DROSHA: variants seen among roughly 807,000 people sequenced by gnomAD.
The protein encoded by DROSHA is drosha ribonuclease III, also known as ribonuclease 3.
A neutral mutation model predicts 181.9 loss-of-function variants in DROSHA; 56 were observed. The observed-to-expected ratio is 0.31, with a 90% CI of 0.25 to 0.38. The LOEUF (loss-of-function observed/expected upper bound fraction) is 0.38. Among genes scored for constraint, DROSHA ranks in the 10% least tolerant of loss-of-function variants. The pLI is 1.00. For synonymous variants in DROSHA, 524 were observed against 591.2 expected (o/e 0.89, Z 1.65); for missense variants, 1,218 against 1,743.5 (o/e 0.70, Z 5.37).
At chr5:31,531,072 G>A in intron 2 of DROSHA, 148 bp from the exon 3 acceptor site, 1 of 389,502 alleles carries the variant, frequency 2.6e-6, no homozygotes, top group Non-Finnish European at 4.5e-6. Flanking sequence ...GCCCATAAAT[G>A]GGAAGCACTG....
Position 31,436,692 on chromosome 5 carries a change from G to C in DROSHA, c.2942+547C>G, listed in dbSNP as rs577547347. Among the ~76,000 whole-genome samples the C allele has an allele frequency of 2.7e-5, 4 of 150,728 alleles. No homozygotes were observed. The East Asian group carries it at 7.9e-4, about 30-fold the overall frequency. On this transcript the variant is annotated intron_variant, in intron 24 of 35. Coordinates refer to ENST00000344624, the MANE Select transcript of DROSHA (RefSeq NM_001382508.1). ...CCAGGCGTGAGCCACCGCGCCTAGC[G>C]TCCTACCCGTACTTTCAAATTAAGG...
rs183245846 is a variant in DROSHA, at chr5:31,496,641, C to T, written c.1669-1269G>A. 8.5e-5 allele frequency among the ~76,000 whole-genome samples: 13 copies of T among 152,336 alleles called. No homozygotes were observed. In the East Asian group the frequency reaches 1.3e-3, roughly 16 times the overall value. On this transcript the variant is annotated intron_variant, in intron 11 of 35. Coordinates refer to ENST00000344624, the MANE Select transcript of DROSHA (RefSeq NM_001382508.1). The stretch of plus-strand genomic sequence containing the variant: ...CTATTCTCCAAGCCATAAACAGCCA[C>T]TGCAGCAGAGGACAGGGACAGCTTA...
At chr5:31,484,215 CA>C (rs1345944308) in intron 15 of DROSHA, among the ~76,000 whole-genome samples, 110 of 150,406 alleles carry the variant, frequency 7.3e-4, no homozygotes, top group African/African-American at 2.4e-3. Flanking sequence ...ACTAAAAATA[CA>C]AAAAAAAATT....
At chr5:31,502,574 T>G (rs1377647287) in intron 11 of DROSHA, among the ~76,000 whole-genome samples, 2 of 151,898 alleles carry the variant, frequency 1.3e-5, no homozygotes, top group Admixed American at 6.6e-5. Flanking sequence ...AAGGCAGGAG[T>G]GGTACTGCCA....
intron 23 of DROSHA, among the ~76,000 whole-genome samples, chr5:31,445,368 G>C (rs902453493): frequency 6.6e-6 from 1 of 152,140 alleles, no homozygotes; most frequent in Non-Finnish European, 1.5e-5. Context: ...ACACATAAAT[G>C]AGAATATCAA....
rs1740650524 is a variant in DROSHA, at chr5:31,526,859, T to C, written c.74A>G (p.His25Arg). ...GRGCPRGRGG[H>R]GARPSAPSFR... ...GGATGGTGCTGAGGGTCTGGCTCCA[T>C]GTCCTCCTCGTCCTCGGGGACACCC... is the stretch of plus-strand genomic sequence containing the variant. Residue 25 changes from histidine (H) to arginine (R), a missense_variant, in exon 5 of 36, where the codon CAT (histidine) becomes CGT (arginine). His to Arg is a conservative substitution (Grantham distance 29). Around this residue, in one of 8 missense-constraint regions of DROSHA, gnomAD observed 536 missense variants for 535.4 expected, o/e 1.00. Coordinates refer to ENST00000344624, the MANE Select transcript of DROSHA (RefSeq NM_001382508.1). 8 of 1,613,364 alleles carry C rather than the reference T, an allele frequency of 5.0e-6. No homozygotes were observed. The highest frequency in any genetic ancestry group is 1.3e-5 in the African/African-American group (1 of 74,982).
intron 17 of DROSHA, among the ~76,000 whole-genome samples, chr5:31,469,783 A>AT (rs1749528849): frequency 6.6e-6 from 1 of 152,192 alleles, no homozygotes; most frequent in Non-Finnish European, 1.5e-5. Context: ...ACCCTATAAC[A>AT]TTTATTATGC....
chr5:31,437,588 C>T (rs1364017604), intron 23 of DROSHA, among the ~76,000 whole-genome samples: 2 of 152,020 alleles, frequency 1.3e-5, no homozygotes, highest in Non-Finnish European at 2.9e-5. Flanking sequence ...CACTAACAAT[C>T]GTGAGTATTT....
At chr5:31,435,307 G>A (rs1469159184) in intron 25 of DROSHA, among the ~76,000 whole-genome samples, 1 of 152,086 alleles carries the variant, frequency 6.6e-6, no homozygotes, top group African/African-American at 2.4e-5. Flanking sequence ...GTGATTTGGG[G>A]GATTCTCAAA....
intron 20 of DROSHA, among the ~76,000 whole-genome samples, chr5:31,460,264 A>C (rs1748258831): frequency 6.6e-6 from 1 of 152,202 alleles, no homozygotes. Flanking sequence ...AAAATTCTTC[A>C]ACAATTTATC....
At chr5:31,419,556 C>T (rs1580014020) in intron 30 of DROSHA, among the ~76,000 whole-genome samples, 1 of 101,244 alleles carries the variant, frequency 9.9e-6, no homozygotes, top group Non-Finnish European at 1.8e-5. Flanking sequence ...CCGTACTGTT[C>T]AATGCTGGGG....
chr5:31,419,742 T>TACTATTTCAA (rs1742438323), intron 30 of DROSHA, among the ~76,000 whole-genome samples: 1 of 152,184 alleles, frequency 6.6e-6, no homozygotes, highest in African/African-American at 2.4e-5. Flanking sequence ...TAAGATGAAT[T>TACTATTTCAA]ACTATTTCAA....
Position 31,497,471 on chromosome 5 carries a change from C to T in DROSHA, c.1669-2099G>A, listed in dbSNP as rs114411927. Among the ~76,000 whole-genome samples, 597 of 152,348 alleles carry T rather than the reference C, an allele frequency of 3.9e-3. 3 individuals carry two copies. Among genetic ancestry groups the T allele is most frequent in the African/African-American group, 0.014 (571 of 41,586 alleles). On this transcript the variant is annotated intron_variant, in intron 11 of 35. Coordinates refer to ENST00000344624, the MANE Select transcript of DROSHA (RefSeq NM_001382508.1). ...CAGACAGTCCTCCTCCACTTGGGAG[C>T]CTGTCCCCCCTTACTATGGGCCTGG...
chr5:31,526,676 G>A lies in DROSHA; in HGVS notation c.257C>T (p.Pro86Leu), dbSNP rs1232506846. The change falls in exon 5 of 36, where the codon CCT becomes CTT. Residue 86 changes from proline (P) to leucine (L), a missense_variant. By Grantham distance (98) the Pro-to-Leu change is moderately conservative (BLOSUM62 -3). Around this residue, in one of 8 missense-constraint regions of DROSHA, gnomAD observed 536 missense variants for 535.4 expected, o/e 1.00. Coordinates refer to ENST00000344624, the MANE Select transcript of DROSHA (RefSeq NM_001382508.1). ...GGGAAGAGGGCCTTGCGCTGACGGA[G>A]GCATGGGTGGGGGGAAGGGTACAAA... ...PDFVPFPPPMPPSAQGPLPPC... is the reference protein window; with the variant it reads ...PDFVPFPPPMLPSAQGPLPPC... The A allele has an allele frequency of 6.6e-7, 1 of 1,518,568 alleles. No individual in the cohort carries two copies. The highest frequency in any genetic ancestry group is 2.3e-5 in the East Asian group (1 of 43,700). 94.1% of individuals were successfully genotyped at this position (1,518,568 alleles called of 1,614,324 possible). A position where few individuals can be genotyped will look rare whatever the true frequency, so the allele number is the denominator to read the frequency against.
intron 23 of DROSHA, among the ~76,000 whole-genome samples, chr5:31,444,806 T>A (rs1462775361): frequency 6.6e-6 from 1 of 152,348 alleles, no homozygotes; most frequent in African/African-American, 2.4e-5. Context: ...CAGAACATCA[T>A]AGTGAGGTAT....
intron 23 of DROSHA, among the ~76,000 whole-genome samples, chr5:31,444,480 C>A (rs1358098778): frequency 6.6e-6 from 1 of 152,132 alleles, no homozygotes; most frequent in Non-Finnish European, 1.5e-5. Flanking sequence ...GTAAGAAAGC[C>A]ACTACTTTGT....
At chr5:31,491,624 T>C (rs1233230141) in intron 13 of DROSHA, among the ~76,000 whole-genome samples, 5 of 150,066 alleles carry the variant, frequency 3.3e-5, no homozygotes, top group Non-Finnish European at 7.4e-5. Flanking sequence ...CAGTAGATGG[T>C]GGGGGGTGGA....
Position 31,406,943 on chromosome 5 carries a change from G to A in DROSHA, c.3857C>T (p.Thr1286Ile). Reference protein sequence around the residue: ...GKEPDIPLYKTLQTVGPSHAR... With the variant: ...GKEPDIPLYKILQTVGPSHAR... ...ATGGGATGGGCCCACTGTCTGCAGA[G>A]TCCTGAAAGGGAAAGGAAAGAACAT... The change falls in exon 34 of 36, where the codon ACT becomes ATT. Residue 1286 changes from threonine (T) to isoleucine (I), a missense_variant and splice_region_variant. Coordinates refer to ENST00000344624, the MANE Select transcript of DROSHA (RefSeq NM_001382508.1). 1 of 1,613,112 alleles carries A rather than the reference G, an allele frequency of 6.2e-7. No homozygotes were observed. The highest frequency in any genetic ancestry group is 8.5e-7 in the Non-Finnish European group (1 of 1,179,376).
intron 15 of DROSHA, among the ~76,000 whole-genome samples, chr5:31,484,322 C>T (rs1364639224): frequency 7.2e-6 from 1 of 138,476 alleles, no homozygotes; most frequent in African/African-American, 3.0e-5. Flanking sequence ...TGCAGTGAGC[C>T]GAGATTGCGC....
Sources: allele counts gnomAD v4.1 joint callset (sites outside exome capture counted in the v4.1 genomes callset), GRCh38; gene constraint gnomAD v4.1.1; regional missense constraint gnomAD v4.1.1; transcripts MANE v1.5; gene names NCBI Gene and HGNC (gene_info 2026-07-23, HGNC 2026-07-21).